B3GALT1: variants seen among roughly 807,000 people sequenced by gnomAD.
B3GALT1 encodes the protein beta-1,3-galactosyltransferase 1.
In B3GALT1, 10 loss-of-function variants were observed where a neutral mutation model predicts 23.2. The observed-to-expected ratio is 0.43, with a 90% CI of 0.27 to 0.73. B3GALT1 has a LOEUF of 0.73. Among genes scored for constraint, B3GALT1 ranks in the 30% least tolerant of loss-of-function variants. The pLI is 0.21. For synonymous variants in B3GALT1, 156 were observed against 141.5 expected (o/e 1.10, Z -0.73); for missense variants, 299 against 405.4 (o/e 0.74, Z 2.25).
At chr2:167,373,492 C>T (rs556911227) in intron 1 of B3GALT1, among the ~76,000 whole-genome samples, 7 of 151,820 alleles carry the variant, frequency 4.6e-5, no homozygotes, top group East Asian at 3.8e-4. Flanking sequence ...ATCAAACAAA[C>T]GACTGGTATT....
At chr2:167,514,009 C>T (rs1210554413) in intron 2 of B3GALT1, among the ~76,000 whole-genome samples, 1 of 152,118 alleles carries the variant, frequency 6.6e-6, no homozygotes, top group Non-Finnish European at 1.5e-5. Flanking sequence ...CGGGTTCATG[C>T]CATTCCCCTG....
chr2:167,458,926 A>G (rs1051192120), intron 1 of B3GALT1, among the ~76,000 whole-genome samples: 1 of 152,140 alleles, frequency 6.6e-6, no homozygotes, highest in Non-Finnish European at 1.5e-5. Flanking sequence ...ATATTAGTAT[A>G]ACCACCCCTG....
chr2:167,322,760 G>A (rs1696833546), intron 1 of B3GALT1, among the ~76,000 whole-genome samples: 1 of 151,948 alleles, frequency 6.6e-6, no homozygotes, highest in Admixed American at 6.6e-5. Context: ...TACAACTCTA[G>A]AACTGTGAAG....
intron 4 of B3GALT1, among the ~76,000 whole-genome samples, chr2:167,866,819 A>T (rs1003900024): frequency 1.3e-5 from 2 of 152,218 alleles, no homozygotes; most frequent in African/African-American, 4.8e-5. Flanking sequence ...AGAATCAGAT[A>T]CATAGCCTAG....
At chr2:167,357,042 A>C (rs1251280757) in intron 1 of B3GALT1, among the ~76,000 whole-genome samples, 1 of 151,562 alleles carries the variant, frequency 6.6e-6, no homozygotes, top group African/African-American at 2.4e-5. Context: ...ATATATATAT[A>C]TGTATGTGTG....
chr2:167,504,840 A>G (rs1699897327), intron 2 of B3GALT1, among the ~76,000 whole-genome samples: 1 of 152,230 alleles, frequency 6.6e-6, no homozygotes, highest in Non-Finnish European at 1.5e-5. Context: ...CATATCATAA[A>G]GCCTGGATAT....
intron 1 of B3GALT1, among the ~76,000 whole-genome samples, chr2:167,436,079 C>T (rs1322895787): frequency 6.6e-6 from 1 of 152,088 alleles, no homozygotes; most frequent in Non-Finnish European, 1.5e-5. Flanking sequence ...ATATGACCCC[C>T]TGTGACCCTC....
intron 1 of B3GALT1, among the ~76,000 whole-genome samples, chr2:167,457,606 A>G (rs1277018374): frequency 6.6e-6 from 1 of 151,944 alleles, no homozygotes; most frequent in Non-Finnish European, 1.5e-5. Flanking sequence ...TCCATCACCA[A>G]TTTTGTCTTT....
chr2:167,399,926 G>A (rs145141453), intron 1 of B3GALT1, among the ~76,000 whole-genome samples: 188 of 152,210 alleles, frequency 1.2e-3, no homozygotes, highest in African/African-American at 4.2e-3. Flanking sequence ...ATAGTTGCAT[G>A]CCAGAATGTG....
chr2:167,297,485 A>G (rs973070340), intron 1 of B3GALT1, among the ~76,000 whole-genome samples: 1 of 152,202 alleles, frequency 6.6e-6, no homozygotes, highest in African/African-American at 2.4e-5. Flanking sequence ...TCATCTAGTA[A>G]GAAATGCTGA....
chr2:167,503,624 A>G (rs1283597298), intron 2 of B3GALT1, among the ~76,000 whole-genome samples: 1 of 152,148 alleles, frequency 6.6e-6, no homozygotes, highest in Non-Finnish European at 1.5e-5. Flanking sequence ...TGAGTATTGC[A>G]TTTCCAAGAA....
At position 167,427,885 on chromosome 2, in the gene B3GALT1, C is replaced by T. The variant is rs568086618; in HGVS notation, c.-510-62292C>T. Among the ~76,000 whole-genome samples the T allele has an allele frequency of 3.9e-5, 6 of 152,306 alleles. No individual in the cohort carries two copies. In the South Asian group the frequency reaches 1.2e-3, roughly 32 times the overall value. Reference sequence around the variant, plus strand: ...ATACCCTTCTGCCTTCTTTTTCCCTCTTCCACAAAACCCTCTAAGTTATTT... The same window carrying T: ...ATACCCTTCTGCCTTCTTTTTCCCTTTTCCACAAAACCCTCTAAGTTATTT... On this transcript the variant is annotated intron_variant, in intron 1 of 4. Coordinates refer to ENST00000392690, the MANE Select transcript of B3GALT1 (RefSeq NM_020981.4).
chr2:167,467,884 C>T (rs1233992179), intron 1 of B3GALT1, among the ~76,000 whole-genome samples: 2 of 152,140 alleles, frequency 1.3e-5, no homozygotes, highest in Non-Finnish European at 2.9e-5. Flanking sequence ...GTGCCAGACA[C>T]TGTTTATGAC....
intron 2 of B3GALT1, among the ~76,000 whole-genome samples, chr2:167,561,367 T>C (rs1333687250): frequency 6.6e-6 from 1 of 151,924 alleles, no homozygotes; most frequent in Non-Finnish European, 1.5e-5. Flanking sequence ...AGATCCAAAA[T>C]TGACACCCTA....
chr2:167,579,428 T>TG (rs1404491018), intron 2 of B3GALT1, among the ~76,000 whole-genome samples: 2 of 115,048 alleles, frequency 1.7e-5, no homozygotes, highest in African/African-American at 9.1e-5. Flanking sequence ...TTGTTTTTTT[T>TG]TGTCTTTTTT....
intron 2 of B3GALT1, among the ~76,000 whole-genome samples, chr2:167,537,855 A>C (rs1205512094): frequency 7.4e-6 from 1 of 135,818 alleles, no homozygotes; most frequent in Non-Finnish European, 1.5e-5. Context: ...ACAGAGTCTC[A>C]TTCTGTCGCC....
intron 3 of B3GALT1, among the ~76,000 whole-genome samples, chr2:167,692,808 A>C (rs1435653305): frequency 6.6e-6 from 1 of 152,122 alleles, no homozygotes; most frequent in Admixed American, 6.6e-5. Flanking sequence ...TTTTAAAATT[A>C]TCTTAATTTT....
At chr2:167,636,000 C>G (rs1316881703) in intron 2 of B3GALT1, among the ~76,000 whole-genome samples, 4 of 151,934 alleles carry the variant, frequency 2.6e-5, no homozygotes, top group Non-Finnish European at 5.9e-5. Context: ...CAGATGTAGA[C>G]CAATGGAACA....
chr2:167,426,399 C>T (rs757044832), intron 1 of B3GALT1, among the ~76,000 whole-genome samples: 6 of 151,788 alleles, frequency 4.0e-5, no homozygotes, highest in South Asian at 2.1e-4. Context: ...CTCTGCCTCG[C>T]GAGTAGCTGG....
Sources: gnomAD v4.1 joint callset for allele counts (sites outside exome capture counted in the v4.1 genomes callset) on GRCh38, gnomAD v4.1.1 for gene constraint, MANE v1.5 for transcripts, NCBI Gene and HGNC (gene_info 2026-07-23, HGNC 2026-07-21) for gene names.